Variants in SORCS3 observed in about 807,000 individuals in gnomAD.
The protein encoded by SORCS3 is sortilin related VPS10 domain containing receptor 3.
In SORCS3, 57 loss-of-function variants were observed where a neutral mutation model predicts 146.3. The observed-to-expected ratio is 0.39, with a 90% CI of 0.31 to 0.49. The LOEUF is 0.49. Among genes scored for constraint, SORCS3 ranks in the 20% least tolerant of loss-of-function variants. SORCS3 has a pLI of 0.92. For synonymous variants in SORCS3, 653 were observed against 618.5 expected (o/e 1.06, Z -0.83); for missense variants, 1,341 against 1,575.5 (o/e 0.85, Z 2.52).
rs150188088 is a variant in SORCS3, at chr10:105,201,134, C to G, written c.2142C>G (p.Val714=). 3.7e-6 allele frequency: 6 copies of G among 1,612,786 alleles called. No individual in the cohort carries two copies. Among genetic ancestry groups the G allele is most frequent in the Non-Finnish European group, 5.1e-6 (6 of 1,179,370 alleles). The change falls in exon 16 of 27, where the codon GTC becomes GTG. Residue 714 remains valine, a synonymous_variant. Transcript: ENST00000369701. Reference sequence around the variant, plus strand: ...TTCTCTCTAAGGGAGAGCCTTGTGTCATGGGAGAAAGGAAAATATTCAAGA... The same window carrying G: ...TTCTCTCTAAGGGAGAGCCTTGTGTGATGGGAGAAAGGAAAATATTCAAGA... ...WHLLNQGEPC[V]MGERKIFKKR...
At chr10:105,134,280 G>A (rs1393006411) in intron 7 of SORCS3, among the ~76,000 whole-genome samples, 1 of 152,136 alleles carries the variant, frequency 6.6e-6, no homozygotes, top group African/African-American at 2.4e-5. Flanking sequence ...TAAAGGCTAT[G>A]TGCAGTTCTG....
At chr10:105,108,510 GCCT>G (rs1416501457) in intron 7 of SORCS3, among the ~76,000 whole-genome samples, 1 of 152,152 alleles carries the variant, frequency 6.6e-6, no homozygotes. Flanking sequence ...CAAAGACTGA[GCCT>G]CAGGCTACTC....
intron 4 of SORCS3, among the ~76,000 whole-genome samples, chr10:105,006,450 C>T (rs758576318): frequency 6.6e-5 from 10 of 152,140 alleles, no homozygotes; most frequent in Non-Finnish European, 1.3e-4. Context: ...ACAACCTCTT[C>T]CTCCCTAATC....
intron 4 of SORCS3, among the ~76,000 whole-genome samples, chr10:105,026,580 T>C (rs1019420974): frequency 1.3e-5 from 2 of 152,202 alleles, no homozygotes; most frequent in African/African-American, 4.8e-5. Flanking sequence ...TCAACCTAGA[T>C]GTCCATCAAC....
intron 4 of SORCS3, among the ~76,000 whole-genome samples, chr10:105,008,761 C>T (rs530725811): frequency 6.6e-6 from 1 of 152,334 alleles, no homozygotes; most frequent in Non-Finnish European, 1.5e-5. Flanking sequence ...ATTCTCCTGC[C>T]TCAGCCTCCT....
chr10:104,813,680 G>A (rs578063937), intron 1 of SORCS3, among the ~76,000 whole-genome samples: 8 of 152,156 alleles, frequency 5.3e-5, no homozygotes, highest in Non-Finnish European at 1.2e-4. Context: ...GGAGCTGATG[G>A]CGCCAAATGA....
intron 5 of SORCS3, among the ~76,000 whole-genome samples, chr10:105,061,518 A>G (rs2055486425): frequency 6.6e-6 from 1 of 151,646 alleles, no homozygotes; most frequent in African/African-American, 2.4e-5. Flanking sequence ...GATGCTCTCG[A>G]TCTCCTGACC....
At chr10:105,046,662 C>A (rs550003735) in intron 5 of SORCS3, among the ~76,000 whole-genome samples, 2 of 152,226 alleles carry the variant, frequency 1.3e-5, no homozygotes, top group Non-Finnish European at 2.9e-5. Flanking sequence ...TATTCATTAG[C>A]ATCAATACTA....
chr10:105,081,532 C>T (rs1267744206), intron 5 of SORCS3, among the ~76,000 whole-genome samples: 6 of 152,114 alleles, frequency 3.9e-5, no homozygotes, highest in Admixed American at 2.0e-4. Flanking sequence ...GCTGGGTGAG[C>T]GGTTATGGTT....
intron 1 of SORCS3, among the ~76,000 whole-genome samples, chr10:104,839,699 A>G (rs185802668): frequency 6.9e-4 from 105 of 152,362 alleles, no homozygotes; most frequent in Non-Finnish European, 3.5e-4. Flanking sequence ...CCATGAAGGC[A>G]GAAGTAATAT....
At chr10:104,870,339 C>G (rs2018506200) in intron 2 of SORCS3, among the ~76,000 whole-genome samples, 1 of 152,166 alleles carries the variant, frequency 6.6e-6, no homozygotes. Flanking sequence ...GTCATTCATT[C>G]ATTCATGCAT....
intron 7 of SORCS3, among the ~76,000 whole-genome samples, chr10:105,105,961 C>T (rs569942840): frequency 6.6e-6 from 1 of 152,242 alleles, no homozygotes; most frequent in South Asian, 2.1e-4. Flanking sequence ...TGCTGACTAC[C>T]TTCTCAATGT....
At chr10:104,803,051 C>T (rs1311566595) in intron 1 of SORCS3, among the ~76,000 whole-genome samples, 2 of 152,160 alleles carry the variant, frequency 1.3e-5, no homozygotes, top group African/African-American at 2.4e-5. Flanking sequence ...TAAGTTTGTC[C>T]TTTTCACATA....
chr10:104,815,815 G>A (rs949522880), intron 1 of SORCS3, among the ~76,000 whole-genome samples: 1 of 152,274 alleles, frequency 6.6e-6, no homozygotes. Flanking sequence ...CTATATAGCT[G>A]TAATAAGAAT....
At chr10:105,228,418 G>C (rs1359620064) in intron 20 of SORCS3, among the ~76,000 whole-genome samples, 1 of 140,082 alleles carries the variant, frequency 7.1e-6, no homozygotes, top group African/African-American at 2.7e-5. Flanking sequence ...TTCTTTCTCT[G>C]TTTCTTGCTT....
chr10:104,723,152 G>A (rs953223143), intron 1 of SORCS3, among the ~76,000 whole-genome samples: 10 of 152,320 alleles, frequency 6.6e-5, no homozygotes, highest in African/African-American at 2.4e-4. Flanking sequence ...TGCTTTGAAT[G>A]TGTCCCAGAG....
chr10:105,016,134 AAT>A lies in SORCS3; in HGVS notation c.955-26900_955-26899del, dbSNP rs1355412638. Reference sequence around the variant, plus strand: ...TATTACATATTAGAAATATTATATAAATATATATATATATATATATATTTTTT... The same window carrying A: ...TATTACATATTAGAAATATTATATAAATATATATATATATATATATTTTTT... On this transcript the variant is annotated intron_variant, in intron 4 of 26. Transcript: ENST00000369701. Among the ~76,000 whole-genome samples, 210 of 113,632 alleles carry A rather than the reference AAT, an allele frequency of 1.8e-3. 2 individuals are homozygous for A. The highest frequency in any genetic ancestry group is 5.3e-3 in the Middle Eastern group (1 of 190). The allele number at this position is 113,632 out of a possible 152,430, so 74.5% of individuals were successfully genotyped here.
intron 9 of SORCS3, among the ~76,000 whole-genome samples, chr10:105,156,653 G>A (rs566851424): frequency 1.3e-5 from 2 of 152,198 alleles, no homozygotes; most frequent in Non-Finnish European, 2.9e-5. Flanking sequence ...CATGGAAAGA[G>A]ACAGATGCCA....
chr10:104,880,412 C>T (rs2133574971), intron 2 of SORCS3, among the ~76,000 whole-genome samples: 1 of 152,294 alleles, frequency 6.6e-6, no homozygotes, highest in Non-Finnish European at 1.5e-5. Flanking sequence ...CCCTGCCTTT[C>T]CTTTTCTCTT....
Sources: allele counts gnomAD v4.1 joint callset (sites outside exome capture counted in the v4.1 genomes callset), GRCh38; gene constraint gnomAD v4.1.1; transcripts MANE v1.5; gene names NCBI Gene and HGNC (gene_info 2026-07-23, HGNC 2026-07-21).